TMEM161B: variants seen among roughly 807,000 people sequenced by gnomAD.
TMEM161B encodes transmembrane protein 161B.
A neutral mutation model predicts 61.8 loss-of-function variants in TMEM161B; 34 were observed. The ratio of observed to expected loss-of-function variants is 0.55; its 90% CI spans 0.42 to 0.73. The LOEUF (loss-of-function observed/expected upper bound fraction) is 0.73. TMEM161B is among the 30% of genes least tolerant of loss of function. TMEM161B has a pLI of 0.00. For missense variants in TMEM161B, 456 were observed against 558.5 expected (o/e 0.82, Z 1.85); for synonymous variants, 167 against 192.8 (o/e 0.87, Z 1.11).
At chr5:88,230,677 C>A (rs1451062331) in intron 2 of TMEM161B, among the ~76,000 whole-genome samples, 2 of 152,188 alleles carry the variant, frequency 1.3e-5, no homozygotes, top group Non-Finnish European at 2.9e-5. Flanking sequence ...TCCTTGTGAA[C>A]ACCTATGCCC....
intron 2 of TMEM161B, among the ~76,000 whole-genome samples, chr5:88,235,141 G>GA (rs1363442168): frequency 6.6e-6 from 1 of 152,036 alleles, no homozygotes; most frequent in African/African-American, 2.4e-5. Context: ...GTTCAACACT[G>GA]AAAAAATATG....
In TMEM161B at chr5:88,203,002, A is replaced by G; in HGVS notation, c.874T>C (p.Tyr292His). The G allele has an allele frequency of 6.2e-7, 1 of 1,612,110 alleles. No homozygotes were observed. Among genetic ancestry groups the G allele is most frequent in the Non-Finnish European group, 8.5e-7 (1 of 1,178,402 alleles). ...TTGCCCAGTGGTGGGTTCATAATGT[A>G]GTCTTTGGTGATTGGTTTTACCCAG... ...LLWVKPITKD[Y>H]IMNPPLGKES... The change falls in exon 9 of 12, where the codon TAC (tyrosine) becomes CAC (histidine). Residue 292 changes from tyrosine (Y) to histidine (H), a missense_variant. Physicochemically the swap from Tyr to His is moderately conservative, Grantham distance 83. Coordinates refer to ENST00000296595, the MANE Select transcript of TMEM161B (RefSeq NM_153354.5).
intron 5 of TMEM161B, among the ~76,000 whole-genome samples, chr5:88,215,135 G>A (rs1367619516): frequency 6.6e-6 from 1 of 152,124 alleles, no homozygotes; most frequent in Non-Finnish European, 1.5e-5. Flanking sequence ...CTAATTTGGG[G>A]ACCATTTTAA....
At chr5:88,259,787 A>G (rs1429497634) in intron 1 of TMEM161B, among the ~76,000 whole-genome samples, 1 of 152,228 alleles carries the variant, frequency 6.6e-6, no homozygotes, top group African/African-American at 2.4e-5. Flanking sequence ...GGTTCGGGAA[A>G]CATTTTCTAA....
At position 88,254,178 on chromosome 5, in the gene TMEM161B, G is replaced by T. The variant is rs1754684557; in HGVS notation, c.4-13262C>A. ...ATTACAAGATCTCATATATCCTACT[G>T]AATTGAAAGCACATATAGGTATGGA... On this transcript the variant is annotated intron_variant, in intron 1 of 11. Transcript: ENST00000296595. Among the ~76,000 whole-genome samples, 3 of 152,020 alleles carry T rather than the reference G, an allele frequency of 2.0e-5. No individual in the cohort carries two copies. In the South Asian group the frequency reaches 6.2e-4, roughly 32 times the overall value.
At chr5:88,202,906 A>G in intron 9 of TMEM161B, 56 bp downstream of exon 9, 5 of 1,117,530 alleles carry the variant, frequency 4.5e-6, no homozygotes, top group Non-Finnish European at 6.9e-6. Context: ...ACAGTAAATA[A>G]CATTTAGTAA....
chr5:88,207,685 A>G (rs1361936217), intron 5 of TMEM161B, among the ~76,000 whole-genome samples: 2 of 152,220 alleles, frequency 1.3e-5, no homozygotes, highest in African/African-American at 4.8e-5. Flanking sequence ...ATTCAAAAAC[A>G]GCAAAAGTTT....
chr5:88,268,133 C>G (rs1471825258), intron 1 of TMEM161B, among the ~76,000 whole-genome samples: 1 of 152,188 alleles, frequency 6.6e-6, no homozygotes, highest in Non-Finnish European at 1.5e-5. Context: ...GCAACAGTTC[C>G]TTCAACCTTC....
intron 1 of TMEM161B, among the ~76,000 whole-genome samples, chr5:88,268,431 G>T (rs533704477): frequency 6.6e-6 from 1 of 152,226 alleles, no homozygotes; most frequent in East Asian, 1.9e-4. Flanking sequence ...ATCACCTGGC[G>T]CCACAGGCCA....
chr5:88,255,061 C>T (rs1009605682), intron 1 of TMEM161B, among the ~76,000 whole-genome samples: 2 of 152,048 alleles, frequency 1.3e-5, no homozygotes, highest in African/African-American at 4.8e-5. Context: ...AGATAAAAAC[C>T]AGAATTACCA....
chr5:88,191,723 C>T (rs188672366), downstream of TMEM161B, among the ~76,000 whole-genome samples: 13 of 151,550 alleles, frequency 8.6e-5, no homozygotes, highest in African/African-American at 2.4e-4. Flanking sequence ...TTTGGGAGGC[C>T]GAGGCAGGTG....
intron 1 of TMEM161B, chr5:88,251,127 T>C (rs551410947): frequency 2.9e-4 from 44 of 152,214 alleles, no homozygotes; most frequent in African/African-American, 1.0e-3. Context: ...TGGAGACTGC[T>C]GCTTAGTTGG....
At chr5:88,229,952 C>T (rs1051821282) in intron 2 of TMEM161B, among the ~76,000 whole-genome samples, 7 of 151,792 alleles carry the variant, frequency 4.6e-5, no homozygotes, top group Non-Finnish European at 7.4e-5. Context: ...AATCCCAGAA[C>T]TTTAGAAGGC....
In TMEM161B at chr5:88,245,305, T is replaced by C. The variant is rs569548161; in HGVS notation, c.4-4389A>G. 2.0e-5 allele frequency among the ~76,000 whole-genome samples: 3 copies of C among 152,052 alleles called. No homozygotes were observed. In the South Asian group the frequency reaches 6.2e-4, roughly 32 times the overall value. ...CCTATCATTTGAATTTACTATCCTATTTTCTGTGAGTTTCTGATAGAAGTT... is the reference window on the plus strand; with the variant it reads ...CCTATCATTTGAATTTACTATCCTACTTTCTGTGAGTTTCTGATAGAAGTT... On this transcript the variant is annotated intron_variant, in intron 1 of 11. Transcript: ENST00000296595.
exon 13 of TMEM161B, chr5:88,189,948 G>C (rs1238333018): frequency 7.8e-6 from 5 of 642,302 alleles, no homozygotes; most frequent in Admixed American, 4.4e-5. Context: ...CAGTTTCCAT[G>C]TGATCCCCAG....
chr5:88,199,491 T>A (rs1743960131), intron 9 of TMEM161B: 2 of 168,860 alleles, frequency 1.2e-5, no homozygotes, highest in Non-Finnish European at 2.5e-5. Flanking sequence ...ACTGCAGGGA[T>A]TGCCTGTGGG....
At chr5:88,224,311 G>C (rs750639079) in intron 4 of TMEM161B, among the ~76,000 whole-genome samples, 18 of 152,080 alleles carry the variant, frequency 1.2e-4, no homozygotes, top group Non-Finnish European at 2.4e-4. Flanking sequence ...TAGGAGTAGG[G>C]AATCTATTTC....
intron 1 of TMEM161B, among the ~76,000 whole-genome samples, chr5:88,249,722 A>G (rs1754080527): frequency 6.6e-6 from 1 of 152,128 alleles, no homozygotes; most frequent in African/African-American, 2.4e-5. Flanking sequence ...ACCTTTTAAG[A>G]CAAAACTCAC....
chr5:88,194,244 A>T (rs970741796), downstream of TMEM161B, among the ~76,000 whole-genome samples: 4 of 152,012 alleles, frequency 2.6e-5, no homozygotes, highest in African/African-American at 4.8e-5. Flanking sequence ...AACATCTGGT[A>T]TTTCATTTTC....
Sources: allele counts gnomAD v4.1 joint callset (sites outside exome capture counted in the v4.1 genomes callset), GRCh38; gene constraint gnomAD v4.1.1; transcripts MANE v1.5; gene names NCBI Gene and HGNC (gene_info 2026-07-23, HGNC 2026-07-21).